Variants in ZNF407 observed in about 807,000 individuals in gnomAD.
ZNF407 encodes the protein zinc finger protein 407.
Under a neutral mutation model 131.2 loss-of-function variants are expected in ZNF407, and 17 were observed. The observed-to-expected ratio is 0.13, with a 90% CI of 0.09 to 0.19. ZNF407 has a LOEUF of 0.19. Ranked by LOEUF, ZNF407 falls within the 10% of genes least tolerant of loss-of-function variation. ZNF407 has a pLI of 1.00. For synonymous variants in ZNF407, 1,156 were observed against 1,062.0 expected, an observed-to-expected ratio of 1.09 and a Z score of -1.72; for missense variants, 2,681 against 2,830.6, an observed-to-expected ratio of 0.95 and a Z score of 1.20.
Position 74,847,797 on chromosome 18 carries a change from G to A in ZNF407, c.4878-29400G>A, listed in dbSNP as rs372297737. ...TATCTCTTCCTTTAAAGAATTTTTTGTCATTTAAAAATAATCATGTTTATT... is the reference window on the plus strand; with the variant it reads ...TATCTCTTCCTTTAAAGAATTTTTTATCATTTAAAAATAATCATGTTTATT... On this transcript the variant is annotated intron_variant, in intron 4 of 8. Coordinates refer to ENST00000299687, the MANE Select transcript of ZNF407 (RefSeq NM_017757.3). 1.9e-4 allele frequency among the ~76,000 whole-genome samples: 28 copies of A among 149,466 alleles called. 1 individual carries two copies. In the South Asian group the frequency reaches 5.9e-3, roughly 32 times the overall value.
At chr18:75,011,367 G>A (rs7243860) in intron 8 of ZNF407, among the ~76,000 whole-genome samples, 147,600 of 152,250 alleles carry the variant, frequency 0.97, 71,743 homozygotes, top group East Asian at 1. Flanking sequence ...TTTTTCCTCC[G>A]GATCAACAGA....
chr18:74,718,560 A>T (rs573941189), intron 3 of ZNF407, among the ~76,000 whole-genome samples: 174 of 151,910 alleles, frequency 1.1e-3, no homozygotes, highest in African/African-American at 3.9e-3. Flanking sequence ...CTTTGTGTGG[A>T]TGTGTTGCCG....
Position 74,663,457 on chromosome 18 carries a change from T to C in ZNF407, c.4802+22335T>C, listed in dbSNP as rs749650657. Among the ~76,000 whole-genome samples the C allele has an allele frequency of 3.3e-5, 5 of 152,226 alleles. No individual in the cohort carries two copies. In the East Asian group the frequency reaches 5.8e-4, roughly 18 times the overall value. ...GATTTAAAATTATTTTTAGAAAAAT[T>C]TGGGGCCGAAACTAAGGAAAGAGTA... On this transcript the variant is annotated intron_variant, in intron 3 of 8. Coordinates refer to ENST00000299687, the MANE Select transcript of ZNF407 (RefSeq NM_017757.3).
intron 8 of ZNF407, among the ~76,000 whole-genome samples, chr18:75,033,324 T>C (rs563955313): frequency 6.6e-6 from 1 of 152,344 alleles, no homozygotes; most frequent in African/African-American, 2.4e-5. Context: ...CTAAGAATGC[T>C]CGGAAAGCCT....
At chr18:74,672,001 G>A (rs1450058031) in intron 3 of ZNF407, among the ~76,000 whole-genome samples, 1 of 152,182 alleles carries the variant, frequency 6.6e-6, no homozygotes, top group Non-Finnish European at 1.5e-5. Context: ...TTGTTATTGT[G>A]AATGGTGCTG....
At chr18:74,653,712 T>C (rs1439513371) in intron 3 of ZNF407, among the ~76,000 whole-genome samples, 1 of 151,822 alleles carries the variant, frequency 6.6e-6, no homozygotes, top group African/African-American at 2.4e-5. Flanking sequence ...AACTAACATG[T>C]TGGAAAAAAG....
At position 74,633,541 on chromosome 18, in the gene ZNF407, G is replaced by C; in HGVS notation, c.2522G>C (p.Arg841Thr). Residue 841 changes from arginine to threonine, a missense_variant, in exon 2 of 9, where the codon AGA becomes ACA. Transcript: ENST00000299687. ...TTAGCTTCAACCACTACTCCAAAGA[G>C]AGGGAGACCTAAAGGTAACATCTCA... is the stretch of plus-strand genomic sequence containing the variant. ...DELASTTTPK[R>T]GRPKGNISRT... 1 of 1,614,048 alleles carries C rather than the reference G, an allele frequency of 6.2e-7. No individual in the cohort carries two copies.
intron 3 of ZNF407, among the ~76,000 whole-genome samples, chr18:74,773,957 G>T (rs1969414252): frequency 6.6e-6 from 1 of 152,210 alleles, no homozygotes; most frequent in African/African-American, 2.4e-5. Context: ...TGCAGGTCTG[G>T]AGCATGGACA....
chr18:74,661,888 C>A (rs1985730784), intron 3 of ZNF407, among the ~76,000 whole-genome samples: 2 of 152,062 alleles, frequency 1.3e-5, no homozygotes, highest in East Asian at 3.8e-4. Flanking sequence ...AAAGGCCAGC[C>A]CCCTTTTCGT....
At chr18:74,884,052 G>A (rs1187466109) in intron 6 of ZNF407, among the ~76,000 whole-genome samples, 1 of 152,100 alleles carries the variant, frequency 6.6e-6, no homozygotes, top group African/African-American at 2.4e-5. Context: ...AAATGACAAA[G>A]GATTTCAAAG....
chr18:74,616,346 G>A (rs906134752), intron 1 of ZNF407, among the ~76,000 whole-genome samples: 8 of 152,198 alleles, frequency 5.3e-5, no homozygotes, highest in African/African-American at 1.9e-4. Flanking sequence ...TTCAGTTGAA[G>A]ATAAAGCTTT....
intron 4 of ZNF407, among the ~76,000 whole-genome samples, chr18:74,858,744 A>G (rs1008853813): frequency 6.6e-6 from 1 of 152,174 alleles, no homozygotes; most frequent in African/African-American, 2.4e-5. Flanking sequence ...TATAGCAATA[A>G]ATTTCTAGAT....
intron 8 of ZNF407, among the ~76,000 whole-genome samples, chr18:74,982,204 G>A (rs1972601023): frequency 6.6e-6 from 1 of 152,070 alleles, no homozygotes; most frequent in Non-Finnish European, 1.5e-5. Context: ...TCAACATCAT[G>A]TGTCTTTAAA....
intron 3 of ZNF407, among the ~76,000 whole-genome samples, chr18:74,772,178 G>T (rs1329528832): frequency 6.6e-6 from 1 of 152,162 alleles, no homozygotes; most frequent in Non-Finnish European, 1.5e-5. Flanking sequence ...CTTTCAGGGT[G>T]ATCTGATTAT....
intron 4 of ZNF407, among the ~76,000 whole-genome samples, chr18:74,869,572 T>C (rs1971058805): frequency 6.6e-6 from 1 of 152,232 alleles, no homozygotes; most frequent in Non-Finnish European, 1.5e-5. Context: ...AGAATGGGGC[T>C]TAATGGACCT....
At chr18:74,920,930 T>C in intron 8 of ZNF407, 2 of 1,198,902 alleles carry the variant, frequency 1.7e-6, no homozygotes, top group Non-Finnish European at 2.1e-6. Context: ...ATTTGATGAC[T>C]GTAAAGTTAA....
chr18:74,685,491 A>G (rs998184682), intron 3 of ZNF407, among the ~76,000 whole-genome samples: 2 of 152,140 alleles, frequency 1.3e-5, no homozygotes, highest in African/African-American at 4.8e-5. Flanking sequence ...TTTTTCAGGC[A>G]TGTGCAGGCC....
At chr18:74,958,459 G>T (rs546296905) in intron 8 of ZNF407, among the ~76,000 whole-genome samples, 5 of 152,190 alleles carry the variant, frequency 3.3e-5, no homozygotes, top group Admixed American at 3.3e-4. Flanking sequence ...CCATGAGGAG[G>T]AGCCCCGTCA....
intron 1 of ZNF407, among the ~76,000 whole-genome samples, chr18:74,602,107 G>C (rs1982609542): frequency 6.6e-6 from 1 of 152,160 alleles, no homozygotes. Flanking sequence ...TATATGGGTA[G>C]ATCATAATTG....
Sources: allele counts gnomAD v4.1 joint callset (sites outside exome capture counted in the v4.1 genomes callset), GRCh38; gene constraint gnomAD v4.1.1; transcripts MANE v1.5; gene names NCBI Gene and HGNC (gene_info 2026-07-23, HGNC 2026-07-21).